LHX1: variants seen among roughly 807,000 people sequenced by gnomAD.
LHX1 encodes LIM/homeobox protein Lhx1.
A neutral mutation model predicts 34.1 loss-of-function variants in LHX1; 9 were observed. The observed-to-expected ratio is 0.26, with a 90% CI of 0.16 to 0.46. LHX1 has a LOEUF of 0.46. Ranked by LOEUF, LHX1 falls within the 20% of genes least tolerant of loss-of-function variation. LHX1 has a pLI of 1.00. For missense variants in LHX1, 446 were observed against 559.1 expected (o/e 0.80, Z 2.04); for synonymous variants, 254 against 241.5 (o/e 1.05, Z -0.48).
rs898761030 is a variant in LHX1 at position 36,938,552 on chromosome 17, C to T, written c.170+185C>T. 29 of 688,468 alleles carry T rather than the reference C, an allele frequency of 4.2e-5. No individual in the cohort carries two copies. In the East Asian group the frequency reaches 5.7e-4, roughly 13 times the overall value. 42.6% of individuals were successfully genotyped at this position (688,468 alleles called of 1,614,324 possible). A position where few individuals can be genotyped will look rare whatever the true frequency, so the allele number is the denominator to read the frequency against. ...GCTGGGAGCCCGGGACGCGGCCCTG[C>T]TTGCATCCTGGAAACTATGGGTCTG... On this transcript the variant is annotated intron_variant, in intron 1 of 4. Coordinates refer to ENST00000614239, the MANE Select transcript of LHX1 (RefSeq NM_005568.5).
Position 36,940,426 on chromosome 17 carries a change from G to C in LHX1, c.307G>C (p.Glu103Gln). The change falls in exon 2 of 5, where the codon GAA becomes CAA. Residue 103 changes from glutamate to glutamine, a missense_variant. Around this residue, in one of 3 missense-constraint regions of LHX1, gnomAD observed 168 missense variants for 226.6 expected, o/e 0.74. Transcript: ENST00000614239. The part of the protein sequence containing the change: ...MCNKQLSTGE[E>Q]LYIIDENKFV... The stretch of plus-strand genomic sequence containing the variant: ...TAACAAGCAGCTCTCCACTGGCGAG[G>C]AACTCTACATCATCGACGAGAATAA... 2 of 1,614,144 alleles carry C rather than the reference G, an allele frequency of 1.2e-6. No homozygotes were observed. The highest frequency in any genetic ancestry group is 1.7e-6 in the Non-Finnish European group (2 of 1,180,040).
intron 4 of LHX1, 125 bp from the exon 5 acceptor site, chr17:36,942,627 C>T (rs2142185418): frequency 8.6e-7 from 1 of 1,160,682 alleles, no homozygotes; most frequent in Non-Finnish European, 1.2e-6. Flanking sequence ...GCGAGGGCTC[C>T]CCGCGATCCG....
At chr17:36,941,464 G>A (rs952077336) in intron 3 of LHX1, 2 of 315,026 alleles carry the variant, frequency 6.3e-6, no homozygotes, top group East Asian at 8.6e-5. Flanking sequence ...GCCTGTGGGC[G>A]GAAAGGAGGT....
In LHX1 at chr17:36,940,810, G is replaced by A; in HGVS notation, c.598G>A (p.Ala200Thr). 1.2e-6 allele frequency: 2 copies of A among 1,601,008 alleles called. No homozygotes were observed. Among genetic ancestry groups the A allele is most frequent in the Non-Finnish European group, 1.7e-6 (2 of 1,176,240 alleles). Residue 200 changes from alanine (A) to threonine (T), a missense_variant, in exon 3 of 5, where the codon GCT (alanine) becomes ACT (threonine). Ala to Thr is a moderately conservative substitution (Grantham distance 58, BLOSUM62 0). Coordinates refer to ENST00000614239, the MANE Select transcript of LHX1 (RefSeq NM_005568.5). ...KQLETLKAAF[A>T]ATPKPTRHIR... The stretch of plus-strand genomic sequence containing the variant: ...GCTGGAGACGCTGAAGGCCGCCTTC[G>A]CTGCTACACCCAAGCCCACCCGCCA...
rs1171006469 is a variant in LHX1, at chr17:36,942,436, G to T, written c.841+71G>T. 7 of 1,469,822 alleles carry T rather than the reference G, an allele frequency of 4.8e-6. No homozygotes were observed. In the East Asian group the frequency reaches 1.7e-4, roughly 36 times the overall value. The allele number at this position is 1,469,822 out of a possible 1,614,324, so 91.0% of individuals were successfully genotyped here. On this transcript the variant is annotated intron_variant, in intron 4 of 4. Transcript: ENST00000614239. The stretch of plus-strand genomic sequence containing the variant: ...TTCGTTGGAAGCGGGTGGCAGCGCG[G>T]GGGGGCACGCCTCGCTCTCTGTAAG...
chr17:36,936,930 G>A, upstream of LHX1: 1 of 233,436 alleles, frequency 4.3e-6, no homozygotes, highest in Non-Finnish European at 8.6e-6. Context: ...GGCGGTCCGC[G>A]CCGAGCCGTT....
chr17:36,940,635 G>A lies in LHX1; in HGVS notation c.423G>A (p.Leu141=), dbSNP rs2070758931. The change falls in exon 3 of 5, where the codon TTG becomes TTA. Residue 141 remains leucine (L), a synonymous_variant. Coordinates refer to ENST00000614239, the MANE Select transcript of LHX1 (RefSeq NM_005568.5). ...CCACCACGGGCAGTGACCCCAGTTT[G>A]TCTCCGGATTCCCAAGACCCGTCGC... The part of the protein sequence containing the change: ...HSATTGSDPS[L]SPDSQDPSQD... The A allele has an allele frequency of 6.2e-7, 1 of 1,613,902 alleles. No homozygotes were observed. The highest frequency in any genetic ancestry group is 1.7e-5 in the Admixed American group (1 of 60,032).
At chr17:36,942,704 G>GC in intron 4 of LHX1, 48 bp from the exon 5 acceptor site, 1 of 1,440,604 alleles carries the variant, frequency 6.9e-7, no homozygotes, top group Non-Finnish European at 9.1e-7. Flanking sequence ...GGTCCCGCCG[G>GC]CCCCCGGCCG....
Position 36,943,231 on chromosome 17 carries a change from C to G in LHX1, c.*100C>G. On this transcript the variant is annotated 3_prime_UTR_variant, in exon 5 of 5. Coordinates refer to ENST00000614239, the MANE Select transcript of LHX1 (RefSeq NM_005568.5). ...AAACATAAAAAGCAAGTCCCCACCCCCTTCCTCCAGCCTCGAGAACCATTC... is the reference window on the plus strand; with the variant it reads ...AAACATAAAAAGCAAGTCCCCACCCGCTTCCTCCAGCCTCGAGAACCATTC... The G allele has an allele frequency of 2.2e-6, 3 of 1,352,358 alleles. No individual in the cohort carries two copies. The highest frequency in any genetic ancestry group is 1.4e-5 in the South Asian group (1 of 70,500). The allele number at this position is 1,352,358 out of a possible 1,614,324, so 83.8% of individuals were successfully genotyped here. A position where few individuals can be genotyped will look rare whatever the true frequency, so the allele number is the denominator to read the frequency against.
intron 3 of LHX1, among the ~76,000 whole-genome samples, chr17:36,941,842 G>A (rs1039446343): frequency 1.3e-5 from 2 of 152,174 alleles, no homozygotes; most frequent in African/African-American, 2.4e-5. Flanking sequence ...ATGGAAACGC[G>A]GTGTGTGTCT....
At chr17:36,940,097 T>C (rs1020364061) in intron 1 of LHX1, 193 bp from the exon 2 acceptor site, 3 of 615,662 alleles carry the variant, frequency 4.9e-6, no homozygotes, top group African/African-American at 1.8e-5. Flanking sequence ...TGCTGCCTCC[T>C]CACCTGCTTA....
In LHX1 at chr17:36,938,338, C is replaced by A. The variant is rs1567956384; in HGVS notation, c.141C>A (p.Gly47=). The change falls in exon 1 of 5, where the codon GGC becomes GGA. Residue 47 remains glycine, a synonymous_variant. Coordinates refer to ENST00000614239, the MANE Select transcript of LHX1 (RefSeq NM_005568.5). ...NLTEKCFSRE[G]KLYCKNDFFR... ...CCGAGAAGTGCTTCTCCAGGGAAGG[C>A]AAACTCTACTGCAAGAACGACTTCT... is the stretch of plus-strand genomic sequence containing the variant. The A allele has an allele frequency of 5.0e-6, 8 of 1,614,220 alleles. No individual in the cohort carries two copies. The highest frequency in any genetic ancestry group is 6.8e-6 in the Non-Finnish European group (8 of 1,180,008).
Position 36,943,208 on chromosome 17 carries a change from A to AAAC in LHX1, c.*77_*78insAAC. On this transcript the variant is annotated 3_prime_UTR_variant, in exon 5 of 5. Transcript: ENST00000614239. ...ATTTAAGAAAAATAGAAAAAAAAAA[A>AAAC]CATAAAAAGCAAGTCCCCACCCCCT... 6.6e-7 allele frequency: 1 copy of AAAC among 1,504,666 alleles called. No homozygotes were observed. Among genetic ancestry groups the AAAC allele is most frequent in the East Asian group, 2.5e-5 (1 of 40,398 alleles). 93.2% of individuals were successfully genotyped at this position (1,504,666 alleles called of 1,614,324 possible).
intron 3 of LHX1, chr17:36,941,459 T>C: frequency 3.2e-6 from 1 of 311,198 alleles, no homozygotes; most frequent in Non-Finnish European, 6.3e-6. Context: ...GCTGGGCCTG[T>C]GGGCGGAAAG....
chr17:36,937,042 C>CAA (rs113265097), upstream of LHX1: 265 of 235,448 alleles, frequency 1.1e-3, 1 homozygote, highest in African/African-American at 6.0e-3. Context: ...AAAAGAAAAA[C>CAA]AAAAAAAAAA....
rs1339925957 is a variant in LHX1 at position 36,939,925 on chromosome 17, C to G, written c.171-365C>G. The G allele has an allele frequency of 2.6e-5, 11 of 428,260 alleles. No individual in the cohort carries two copies. The South Asian group carries it at 3.5e-4, about 13-fold the overall frequency. 26.5% of individuals were successfully genotyped at this position (428,260 alleles called of 1,614,324 possible). A position where few individuals can be genotyped will look rare whatever the true frequency, so the allele number is the denominator to read the frequency against. On this transcript the variant is annotated intron_variant, in intron 1 of 4. Transcript: ENST00000614239. ...TCGGAAAATAAGTGCCCCGTTCCCC[C>G]CGCCCACACAGGTCACTGCCTTGCC...
chr17:36,938,705 G>A, intron 1 of LHX1: 2 of 457,364 alleles, frequency 4.4e-6, no homozygotes, highest in Non-Finnish European at 8.1e-6. Flanking sequence ...CCGGAGCCAA[G>A]CTCTGCAGCA....
In LHX1 at chr17:36,940,767, C is replaced by T. The variant is rs958428482; in HGVS notation, c.555C>T (p.Thr185=). 1 of 1,613,608 alleles carries T rather than the reference C, an allele frequency of 6.2e-7. No individual in the cohort carries two copies. The highest frequency in any genetic ancestry group is 1.7e-5 in the Admixed American group (1 of 60,034). Residue 185 remains threonine (T), a synonymous_variant, in exon 3 of 5, where the codon ACC becomes ACT. Coordinates refer to ENST00000614239, the MANE Select transcript of LHX1 (RefSeq NM_005568.5). ...NLGAKRRGPR[T]TIKAKQLETL... is the part of the protein sequence containing the mutation. ...GCGCCAAGCGGCGGGGACCGCGCAC[C>T]ACCATCAAAGCCAAGCAGCTGGAGA...
rs1053165416 is a variant in LHX1 at position 36,938,100 on chromosome 17, A to T, written c.-98A>T. The T allele has an allele frequency of 5.5e-5, 66 of 1,197,836 alleles. No homozygotes were observed. Among genetic ancestry groups the T allele is most frequent in the Non-Finnish European group, 7.7e-5 (63 of 812,986 alleles). 74.2% of individuals were successfully genotyped at this position (1,197,836 alleles called of 1,614,324 possible). A position where few individuals can be genotyped will look rare whatever the true frequency, so the allele number is the denominator to read the frequency against. On this transcript the variant is annotated 5_prime_UTR_variant, in exon 1 of 5. Transcript: ENST00000614239. ...CCGAGTGTGTGTCCTCTTTTTGGAG[A>T]GACTGGGGAGCTCGTGCCGATTGTC...
Sources: allele counts gnomAD v4.1 joint callset (sites outside exome capture counted in the v4.1 genomes callset), GRCh38; gene constraint gnomAD v4.1.1; regional missense constraint gnomAD v4.1.1; transcripts MANE v1.5; gene names NCBI Gene and HGNC (gene_info 2026-07-23, HGNC 2026-07-21).